DLGAP2: variants seen among roughly 807,000 people sequenced by gnomAD.
DLGAP2 encodes disks large-associated protein 2.
DLGAP2 carries 26 observed loss-of-function variants against 100.3 expected under a neutral mutation model. That is an observed-to-expected ratio of 0.26 (90% CI 0.19 to 0.36). The LOEUF is 0.36. Among genes scored for constraint, DLGAP2 ranks in the 10% least tolerant of loss-of-function variants. The probability of loss-of-function intolerance (pLI) is 1.00; values close to 1 mark genes in which losing one functional copy is unlikely to be tolerated. For missense variants in DLGAP2, 1,858 were observed against 1,453.2 expected (o/e 1.28, Z -4.53); for synonymous variants, 886 against 630.1 (o/e 1.41, Z -6.08).
At chr8:1,570,348 A>G (rs1802603933) in intron 6 of DLGAP2, among the ~76,000 whole-genome samples, 1 of 152,226 alleles carries the variant, frequency 6.6e-6, no homozygotes, top group Non-Finnish European at 1.5e-5. Flanking sequence ...ATCCTGTTCC[A>G]TTACGCACAG....
chr8:1,489,553 C>T (rs1799318798), intron 3 of DLGAP2, among the ~76,000 whole-genome samples: 1 of 152,214 alleles, frequency 6.6e-6, no homozygotes, highest in African/African-American at 2.4e-5. Flanking sequence ...TTTCCAAAGA[C>T]TGTTGGATGC....
intron 2 of DLGAP2, among the ~76,000 whole-genome samples, chr8:960,917 A>G (rs564788263): frequency 5.9e-5 from 9 of 152,346 alleles, no homozygotes; most frequent in South Asian, 2.1e-4. Context: ...TTGAACCATC[A>G]TAAGTCTGGA....
chr8:1,111,314 G>A (rs1804949596), intron 2 of DLGAP2, among the ~76,000 whole-genome samples: 1 of 152,124 alleles, frequency 6.6e-6, no homozygotes, highest in Non-Finnish European at 1.5e-5. Flanking sequence ...TGTGCTGAAG[G>A]CTGTGGATTT....
chr8:1,482,676 C>T (rs1170287918), intron 3 of DLGAP2, among the ~76,000 whole-genome samples: 1 of 152,194 alleles, frequency 6.6e-6, no homozygotes, highest in South Asian at 2.1e-4. Flanking sequence ...CGCGGTGGTT[C>T]CCACGGCCGC....
chr8:1,228,464 C>T (rs945742863), intron 2 of DLGAP2, among the ~76,000 whole-genome samples: 4 of 152,000 alleles, frequency 2.6e-5, no homozygotes, highest in African/African-American at 7.2e-5. Flanking sequence ...TCTGTGAAGC[C>T]GATATTTGTC....
chr8:960,187 A>G (rs1799689386), intron 2 of DLGAP2, among the ~76,000 whole-genome samples: 1 of 143,326 alleles, frequency 7.0e-6, no homozygotes, highest in African/African-American at 2.7e-5. Flanking sequence ...GCATATAGTC[A>G]TCTTTAAAAA....
intron 1 of DLGAP2, among the ~76,000 whole-genome samples, chr8:781,393 G>T (rs1373527679): frequency 6.6e-6 from 1 of 152,082 alleles, no homozygotes; most frequent in Non-Finnish European, 1.5e-5. Flanking sequence ...GAACATCACA[G>T]AAAATAATCG....
At chr8:1,682,624 A>G (rs1434574857) in intron 12 of DLGAP2, among the ~76,000 whole-genome samples, 1 of 147,028 alleles carries the variant, frequency 6.8e-6, no homozygotes, top group Non-Finnish European at 1.5e-5. Context: ...ACAGACACGC[A>G]CCACAGCACC....
chr8:1,571,319 A>G (rs1484468184), intron 6 of DLGAP2, among the ~76,000 whole-genome samples: 3 of 95,350 alleles, frequency 3.1e-5, no homozygotes, highest in African/African-American at 8.5e-5. Flanking sequence ...GCATCTGATG[A>G]GATGGGGAGG....
chr8:1,624,207 T>C (rs140377975), intron 6 of DLGAP2, among the ~76,000 whole-genome samples: 130 of 152,242 alleles, frequency 8.5e-4, no homozygotes, highest in Middle Eastern at 6.8e-3. Context: ...GGCTGTTGTA[T>C]TGGAAGAAAA....
intron 1 of DLGAP2, among the ~76,000 whole-genome samples, chr8:773,533 T>C (rs1235501117): frequency 1.5e-5 from 2 of 134,542 alleles, no homozygotes; most frequent in Non-Finnish European, 3.1e-5. Context: ...GAGTGTGATA[T>C]TCCCCTTCCT....
At chr8:1,149,632 T>C (rs1211502906) in intron 2 of DLGAP2, among the ~76,000 whole-genome samples, 1 of 152,254 alleles carries the variant, frequency 6.6e-6, no homozygotes, top group Non-Finnish European at 1.5e-5. Flanking sequence ...GTTTCTATTT[T>C]CATCTGGTCA....
intron 3 of DLGAP2, among the ~76,000 whole-genome samples, chr8:1,444,834 C>A (rs1224679269): frequency 7.7e-6 from 1 of 130,236 alleles, no homozygotes; most frequent in East Asian, 2.3e-4. Context: ...GGCTGGAGTG[C>A]AGTGGCGTGA....
At chr8:892,322 A>T (rs1273496208) in intron 1 of DLGAP2, among the ~76,000 whole-genome samples, 1 of 152,044 alleles carries the variant, frequency 6.6e-6, no homozygotes, top group Non-Finnish European at 1.5e-5. Flanking sequence ...GGATGGGAGG[A>T]TGGGTGAAGA....
chr8:938,193 C>T (rs1799114771), intron 2 of DLGAP2, among the ~76,000 whole-genome samples: 1 of 152,036 alleles, frequency 6.6e-6, no homozygotes, highest in Non-Finnish European at 1.5e-5. Context: ...GCATGTTTTC[C>T]CTTTAAATTG....
chr8:1,583,906 C>G (rs768560082), intron 6 of DLGAP2, among the ~76,000 whole-genome samples: 20 of 152,086 alleles, frequency 1.3e-4, no homozygotes, highest in Non-Finnish European at 2.6e-4. Flanking sequence ...GCTCCTCTGA[C>G]TTGAAGTCGG....
chr8:1,573,235 C>A (rs1802816283), intron 6 of DLGAP2, among the ~76,000 whole-genome samples: 1 of 126,922 alleles, frequency 7.9e-6, no homozygotes, highest in African/African-American at 3.2e-5. Flanking sequence ...AGAGGGTGAA[C>A]TGGAGGGGCG....
chr8:1,487,162 C>T (rs1266679580), intron 3 of DLGAP2, among the ~76,000 whole-genome samples: 1 of 152,192 alleles, frequency 6.6e-6, no homozygotes, highest in African/African-American at 2.4e-5. Context: ...GTATTTAAAA[C>T]AAGAAGAATG....
chr8:1,022,667 G>A lies in DLGAP2; in HGVS notation c.73+114701G>A, dbSNP rs532845899. Among the ~76,000 whole-genome samples, 349 of 147,970 alleles carry A rather than the reference G, an allele frequency of 2.4e-3. 1 individual carries two copies. Among genetic ancestry groups the A allele is most frequent in the African/African-American group, 8.2e-3 (326 of 39,858 alleles). On this transcript the variant is annotated intron_variant, in intron 2 of 14. Transcript: ENST00000637795. ...ACCCTCCCTGGGAGTGGACGGTCCC[G>A]TGCCGAGGTAGACGCTCCAAACAGC...
Sources: allele counts gnomAD v4.1 joint callset (sites outside exome capture counted in the v4.1 genomes callset), GRCh38; gene constraint gnomAD v4.1.1; transcripts MANE v1.5; gene names NCBI Gene and HGNC (gene_info 2026-07-23, HGNC 2026-07-21).